FAAH2: variants seen among roughly 807,000 people sequenced by gnomAD.
FAAH2 encodes the protein fatty-acid amide hydrolase 2.
A neutral mutation model predicts 36.9 loss-of-function variants in FAAH2; 60 were observed. That is an observed-to-expected ratio of 1.63 (90% CI 1.32 to 2.02). The LOEUF (loss-of-function observed/expected upper bound fraction) is 2.02. Among genes scored for constraint, FAAH2 ranks in the 30% most tolerant of loss-of-function variants. The pLI, the probability that FAAH2 is intolerant of heterozygous loss-of-function variation, is 0.00. For synonymous variants in FAAH2, 214 were observed against 143.8 expected, an observed-to-expected ratio of 1.49 and a Z score of -3.49; for missense variants, 689 against 397.5, an observed-to-expected ratio of 1.73 and a Z score of -6.23.
intron 3 of FAAH2, among the ~76,000 whole-genome samples, chrX:57,323,638 G>T (rs777675407): frequency 0.015 from 1,572 of 107,363 alleles, 40 homozygotes; most frequent in African/African-American, 0.051. Flanking sequence ...GTCTTCTTTT[G>T]AGAAGTGTCT....
chrX:57,223,190 T>A, the FAAH2 span, among the ~76,000 whole-genome samples: 1 of 111,944 alleles, frequency 8.9e-6, no homozygotes. Context: ...AAAGTTGCCA[T>A]CATTTATTGC....
chrX:57,198,106 G>T, the FAAH2 span, among the ~76,000 whole-genome samples: 1 of 111,172 alleles, frequency 9.0e-6, no homozygotes, highest in South Asian at 3.9e-4. Context: ...TTGGGTTTCT[G>T]CAGTTAGGGG....
At chrX:57,445,679 A>G (rs1303825684) in intron 8 of FAAH2, among the ~76,000 whole-genome samples, 1 of 111,948 alleles carries the variant, frequency 8.9e-6, no homozygotes, top group African/African-American at 3.2e-5. Context: ...TCATTTTACT[A>G]TAGCTACGCT....
chrX:57,233,174 A>G, the FAAH2 span, among the ~76,000 whole-genome samples: 1 of 111,699 alleles, frequency 9.0e-6, no homozygotes, highest in Non-Finnish European at 1.9e-5. Context: ...TGTTATGACT[A>G]GTAGAGATAT....
the FAAH2 span, among the ~76,000 whole-genome samples, chrX:57,258,490 C>A: frequency 1.8e-5 from 2 of 110,181 alleles, no homozygotes; most frequent in Non-Finnish European, 3.8e-5. Flanking sequence ...AGGAAACCAT[C>A]AAGAAAATGA....
the FAAH2 span, chrX:57,126,891 G>A: frequency 1.8e-5 from 2 of 111,417 alleles, no homozygotes; most frequent in Non-Finnish European, 3.8e-5. Flanking sequence ...TTAGGATGAT[G>A]CTATATCTTT....
intron 6 of FAAH2, among the ~76,000 whole-genome samples, chrX:57,380,507 G>C (rs2054814645): frequency 8.9e-6 from 1 of 112,010 alleles, no homozygotes; most frequent in Admixed American, 9.5e-5. Context: ...AATCAACCCA[G>C]TTGCTAAAGC....
the FAAH2 span, among the ~76,000 whole-genome samples, chrX:57,179,382 C>T: frequency 9.0e-6 from 1 of 111,696 alleles, no homozygotes; most frequent in East Asian, 2.8e-4. Flanking sequence ...AGACCCATCT[C>T]ACATGCAATG....
chrX:57,417,596 C>T lies in FAAH2; in HGVS notation c.997-14322C>T, dbSNP rs1453158691. On this transcript the variant is annotated intron_variant, in intron 7 of 10. Transcript: ENST00000374900. ...CAAAGATTGCTGCCTGTTTCTTTCC[C>T]TGGAAGCTTTCTCTCAGCGGGGCAA... Among the ~76,000 whole-genome samples the T allele has an allele frequency of 2.7e-5, 3 of 112,015 alleles. No individual in the cohort carries two copies. In the South Asian group the frequency reaches 1.1e-3, roughly 42 times the overall value.
At chrX:57,416,999 C>T (rs929571568) in intron 7 of FAAH2, among the ~76,000 whole-genome samples, 2 of 111,445 alleles carry the variant, frequency 1.8e-5, no homozygotes, top group Admixed American at 1.9e-4. Flanking sequence ...CTCTGATGCC[C>T]TTTATCTGCT....
chrX:57,431,913 A>C lies in FAAH2; in HGVS notation c.997-5A>C, dbSNP rs758254114. On this transcript the variant is annotated splice_polypyrimidine_tract_variant and splice_region_variant and intron_variant, in intron 7 of 10. Coordinates refer to ENST00000374900, the MANE Select transcript of FAAH2 (RefSeq NM_174912.4). Reference sequence around the variant, plus strand: ...TTGTCTGTTTTTATATCTTTCTTTTATAAGGTTGTGGTTCACCTTGAAACT... The same window carrying C: ...TTGTCTGTTTTTATATCTTTCTTTTCTAAGGTTGTGGTTCACCTTGAAACT... 8.5e-6 allele frequency: 10 copies of C among 1,183,297 alleles called. No homozygotes were observed. The highest frequency in any genetic ancestry group is 1.1e-5 in the Non-Finnish European group (10 of 881,113).
At chrX:57,392,875 C>T in intron 7 of FAAH2, 6 of 808,073 alleles carry the variant, frequency 7.4e-6, no homozygotes, top group Non-Finnish European at 1.1e-5. Context: ...GGGAGATTCC[C>T]AAAGCCCTGC....
Position 57,286,944 on chromosome X carries a change from C to A in FAAH2, c.119C>A (p.Thr40Asn). Residue 40 changes from threonine (T) to asparagine (N), a missense_variant, in exon 1 of 11, where the codon ACC becomes AAC. By Grantham distance (65) the Thr-to-Asn change is moderately conservative. Transcript: ENST00000374900. The part of the protein sequence containing the change: ...VLGGPKFASK[T>N]PRPVTEPLLL... ...GGGGGTCCAAAGTTTGCCTCAAAGA[C>A]CCCTCGGCCGGTGACTGAACCATTG... 1 of 1,204,385 alleles carries A rather than the reference C, an allele frequency of 8.3e-7. No individual in the cohort carries two copies. The highest frequency in any genetic ancestry group is 1.7e-5 in the African/African-American group (1 of 57,410).
the FAAH2 span, among the ~76,000 whole-genome samples, chrX:57,187,022 C>T: frequency 9.0e-6 from 1 of 110,826 alleles, no homozygotes; most frequent in Non-Finnish European, 1.9e-5. Flanking sequence ...GATTTTTTTT[C>T]TCTTAGGATT....
chrX:57,188,158 C>G, the FAAH2 span, among the ~76,000 whole-genome samples: 1 of 111,459 alleles, frequency 9.0e-6, no homozygotes, highest in African/African-American at 3.3e-5. Context: ...CTTTGTACCT[C>G]TGGTAGAATT....
chrX:57,482,085 C>T (rs1305064310), intron 10 of FAAH2, among the ~76,000 whole-genome samples: 3 of 111,435 alleles, frequency 2.7e-5, no homozygotes, highest in Non-Finnish European at 3.8e-5. Flanking sequence ...AATGCCCCTC[C>T]CCCCACCAAG....
chrX:57,293,176 A>G (rs776448980), intron 2 of FAAH2, among the ~76,000 whole-genome samples: 1 of 111,168 alleles, frequency 9.0e-6, no homozygotes, highest in South Asian at 3.8e-4. Context: ...TACCATCTTT[A>G]GGATTTTTGT....
chrX:57,372,188 G>A (rs2054569148), intron 5 of FAAH2, among the ~76,000 whole-genome samples: 1 of 111,647 alleles, frequency 9.0e-6, no homozygotes, highest in African/African-American at 3.2e-5. Flanking sequence ...AGGTGGAATA[G>A]TAGTTCTATT....
chrX:57,353,541 G>A (rs966435754), intron 5 of FAAH2, among the ~76,000 whole-genome samples: 3 of 105,031 alleles, frequency 2.9e-5, no homozygotes, highest in Non-Finnish European at 5.9e-5. Context: ...TTGGACATCT[G>A]TCTAGGCAAA....
Sources: allele counts gnomAD v4.1 joint callset (sites outside exome capture counted in the v4.1 genomes callset), GRCh38; gene constraint gnomAD v4.1.1; transcripts MANE v1.5; gene names NCBI Gene and HGNC (gene_info 2026-07-23, HGNC 2026-07-21).